The following COL3A1 variants were observed in gnomAD, a reference collection of about 807,000 sequenced individuals.
The protein encoded by COL3A1 is collagen alpha-1(III) chain.
Under a neutral mutation model 200.9 loss-of-function variants are expected in COL3A1, and 46 were observed. The ratio of observed to expected loss-of-function variants is 0.23; its 90% CI spans 0.18 to 0.29. The LOEUF (loss-of-function observed/expected upper bound fraction) is 0.29. Among genes scored for constraint, COL3A1 ranks in the 10% least tolerant of loss-of-function variants. COL3A1 has a pLI of 1.00. For missense variants in COL3A1, 1,367 were observed against 1,917.6 expected (o/e 0.71, Z 5.36); for synonymous variants, 650 against 628.0 (o/e 1.03, Z -0.52).
At chr2:189,001,214 G>T (rs1217813191) in intron 32 of COL3A1, among the ~76,000 whole-genome samples, 183 bp from the exon 33 acceptor site, 2 of 152,218 alleles carry the variant, frequency 1.3e-5, no homozygotes, top group Middle Eastern at 3.4e-3. Context: ...AAAGAGGCTT[G>T]TGTTTACTGA....
At position 189,008,160 on chromosome 2, in the gene COL3A1, CG is replaced by C. The variant is rs138061246; in HGVS notation, c.3525+19del. On this transcript the variant is annotated intron_variant, in intron 47 of 50. Transcript: ENST00000304636. ...GATCTGAGGTAAGACATCACTTATA[CG>C]TATGTGTATTTAATTTGCTACAATC... 0.015 allele frequency: 24,273 copies of C among 1,581,914 alleles called. 239 individuals carry two copies. Among genetic ancestry groups the C allele is most frequent in the Non-Finnish European group, 0.019 (21,525 of 1,154,872 alleles).
At position 189,006,212 on chromosome 2, in the gene COL3A1, C is replaced by A. The variant is rs1360401860; in HGVS notation, c.3046C>A (p.Pro1016Thr). 6.2e-7 allele frequency: 1 copy of A among 1,614,104 alleles called. No homozygotes were observed. The highest frequency in any genetic ancestry group is 8.5e-7 in the Non-Finnish European group (1 of 1,180,000). ...TTTCTCATTTTTTAATCAGGGAAAC[C>A]CTGGATCAGATGGTCTTCCAGGCCG... ...TAGEPGRDGNPGSDGLPGRDG... is the reference protein window; with the variant it reads ...TAGEPGRDGNTGSDGLPGRDG... Residue 1016 changes from proline to threonine, a missense_variant, in exon 42 of 51, where the codon CCT (proline) becomes ACT (threonine). By Grantham distance (38) the Pro-to-Thr change is conservative (BLOSUM62 -1). This residue lies in a region of COL3A1 where 846 missense variants were observed against 1,147.9 expected (regional missense o/e 0.74). Transcript: ENST00000304636.
At chr2:188,991,905 T>C (rs944424231) in intron 13 of COL3A1, among the ~76,000 whole-genome samples, 183 bp downstream of exon 13, 3 of 152,218 alleles carry the variant, frequency 2.0e-5, no homozygotes, top group African/African-American at 7.2e-5. Context: ...TTTACAATTA[T>C]TATCTCTATT....
intron 45 of COL3A1, 98 bp downstream of exon 45, chr2:189,007,705 GA>G (rs1389667953): frequency 8.0e-7 from 1 of 1,252,476 alleles, no homozygotes; most frequent in Non-Finnish European, 1.1e-6. Flanking sequence ...TGTACTAGAA[GA>G]GATGAGAAAT....
In COL3A1 at chr2:188,991,478, T is replaced by C; in HGVS notation, c.853-9T>C. The C allele has an allele frequency of 6.3e-7, 1 of 1,575,508 alleles. No individual in the cohort carries two copies. The highest frequency in any genetic ancestry group is 8.7e-7 in the Non-Finnish European group (1 of 1,149,246). ...TTGTAAAATAGTAACATATTTTATA[T>C]GTATCTAGGGTGAAAATGGTCTTCC... is the stretch of plus-strand genomic sequence containing the variant. On this transcript the variant is annotated splice_polypyrimidine_tract_variant and intron_variant, in intron 11 of 50. Transcript: ENST00000304636.
chr2:189,008,771 G>A, intron 47 of COL3A1, 153 bp from the exon 48 acceptor site: 2 of 755,084 alleles, frequency 2.6e-6, no homozygotes, highest in Non-Finnish European at 2.2e-6. Context: ...GTGATCACGT[G>A]ACCCTAAAGG....
At chr2:188,977,908 C>T (rs563743879) in intron 1 of COL3A1, among the ~76,000 whole-genome samples, 1 of 151,972 alleles carries the variant, frequency 6.6e-6, no homozygotes, top group South Asian at 2.1e-4. Context: ...ACCCCAGAAG[C>T]TCAGGATCTT....
chr2:189,007,113 ATATATATATATATATATATATATATATT>A lies in COL3A1; in HGVS notation c.3255+125_3255+152del. 4 of 104,592 alleles carry A rather than the reference ATATATATATATATATATATATATATATT, an allele frequency of 3.8e-5. 1 individual carries two copies. The highest frequency in any genetic ancestry group is 7.3e-5 in the Non-Finnish European group (4 of 54,684). 6.5% of individuals were successfully genotyped at this position (104,592 alleles called of 1,614,324 possible). On this transcript the variant is annotated intron_variant, in intron 44 of 50. Coordinates refer to ENST00000304636, the MANE Select transcript of COL3A1 (RefSeq NM_000090.4). The stretch of plus-strand genomic sequence containing the variant: ...AAAGAATGAATATATATATATATAT[ATATATATATATATATATATATATATATT>A]TGTTCTATCTATAGATAGATGATAG...
At chr2:189,010,461 C>T in intron 49 of COL3A1, 96 bp downstream of exon 49, 1 of 1,525,190 alleles carries the variant, frequency 6.6e-7, no homozygotes, top group South Asian at 1.1e-5. Flanking sequence ...TAGGTTGGTA[C>T]AAACATAATT....
intron 1 of COL3A1, among the ~76,000 whole-genome samples, chr2:188,982,021 A>G (rs1437528051): frequency 6.6e-6 from 1 of 151,710 alleles, no homozygotes; most frequent in Non-Finnish European, 1.5e-5. Flanking sequence ...ATAAAGTTGC[A>G]TTAATTCTTA....
At chr2:188,993,055 T>A in intron 15 of COL3A1, 115 bp downstream of exon 15, 1 of 939,968 alleles carries the variant, frequency 1.1e-6, no homozygotes, top group Non-Finnish European at 1.7e-6. Flanking sequence ...CTTTTATCTA[T>A]ACATGTCTTT....
chr2:188,997,578 C>A, intron 26 of COL3A1, 122 bp from the exon 27 acceptor site: 2 of 1,194,040 alleles, frequency 1.7e-6, no homozygotes, highest in Non-Finnish European at 2.4e-6. Flanking sequence ...GCTTTGGGTC[C>A]AGGTCCTCCC....
chr2:188,974,679 A>G, intron 1 of COL3A1, 111 bp downstream of exon 1: 1 of 841,638 alleles, frequency 1.2e-6, no homozygotes, highest in South Asian at 1.4e-5. Flanking sequence ...AATTTCCTCT[A>G]TAAGCTCCAG....
chr2:189,005,494 TTTG>T, intron 41 of COL3A1, 37 bp downstream of exon 41: 1 of 1,551,806 alleles, frequency 6.4e-7, no homozygotes, highest in Non-Finnish European at 8.9e-7. Context: ...CCAGGTAGAA[TTTG>T]ATAATTTATT....
chr2:189,010,437 C>T (rs1688696473), intron 49 of COL3A1, 72 bp downstream of exon 49: 4 of 1,572,526 alleles, frequency 2.5e-6, no homozygotes, highest in Admixed American at 3.3e-5. Context: ...ATGTTCATCA[C>T]AAAGCAAAGT....
At position 189,008,168 on chromosome 2, in the gene COL3A1, T is replaced by C. The variant is rs1407935626; in HGVS notation, c.3525+26T>C. 8 of 1,572,406 alleles carry C rather than the reference T, an allele frequency of 5.1e-6. No homozygotes were observed. In the African/African-American group the frequency reaches 9.4e-5, roughly 19 times the overall value. On this transcript the variant is annotated intron_variant, in intron 47 of 50. Coordinates refer to ENST00000304636, the MANE Select transcript of COL3A1 (RefSeq NM_000090.4). ...GTAAGACATCACTTATACGTATGTG[T>C]ATTTAATTTGCTACAATCTTCCAAT...
At position 189,001,464 on chromosome 2, in the gene COL3A1, C is replaced by G. The variant is rs1473722581; in HGVS notation, c.2337+14C>G. On this transcript the variant is annotated intron_variant, in intron 33 of 50. Transcript: ENST00000304636. ...CCTGGAGATAAGGTAACCCTTAATA[C>G]TACCTGGATATAAAAAGAAAATGTC... 6.2e-7 allele frequency: 1 copy of G among 1,614,024 alleles called. No individual in the cohort carries two copies. Among genetic ancestry groups the G allele is most frequent in the Admixed American group, 1.7e-5 (1 of 60,016 alleles).
chr2:188,984,196 A>C (rs1338948619), intron 1 of COL3A1, among the ~76,000 whole-genome samples: 1 of 152,058 alleles, frequency 6.6e-6, no homozygotes, highest in Non-Finnish European at 1.5e-5. Context: ...ACTAATGCCA[A>C]ATAGAGCTAA....
chr2:188,997,549 G>A, intron 26 of COL3A1, 151 bp from the exon 27 acceptor site: 4 of 1,111,408 alleles, frequency 3.6e-6, no homozygotes, highest in Non-Finnish European at 5.4e-6. Flanking sequence ...CTAGCATTGA[G>A]TTTAGAGTGT....
Sources: allele counts gnomAD v4.1 joint callset (sites outside exome capture counted in the v4.1 genomes callset), GRCh38; gene constraint gnomAD v4.1.1; regional missense constraint gnomAD v4.1.1; transcripts MANE v1.5; gene names NCBI Gene and HGNC (gene_info 2026-07-23, HGNC 2026-07-21).